Variants in AK7 observed in about 807,000 individuals in gnomAD.
The protein encoded by AK7 is ATP-AMP transphosphorylase 7.
In AK7, 78 loss-of-function variants were observed where a neutral mutation model predicts 96.6. The ratio of observed to expected loss-of-function variants is 0.81; its 90% CI spans 0.67 to 0.97. The LOEUF is 0.97. Ranked by LOEUF, AK7 falls within the 50% of genes least tolerant of loss-of-function variation. The pLI, the probability that AK7 is intolerant of heterozygous loss-of-function variation, is 0.00. For missense variants in AK7, 855 were observed against 887.9 expected (o/e 0.96, Z 0.47); for synonymous variants, 302 against 317.2 (o/e 0.95, Z 0.51).
At chr14:96,422,451 G>C (rs915128827) in intron 5 of AK7, among the ~76,000 whole-genome samples, 2 of 152,170 alleles carry the variant, frequency 1.3e-5, no homozygotes, top group African/African-American at 4.8e-5. Context: ...AGGCCTAGAA[G>C]AGCCATGGCA....
chr14:96,463,415 A>AT (rs1034510024), intron 12 of AK7, among the ~76,000 whole-genome samples: 3 of 151,794 alleles, frequency 2.0e-5, no homozygotes, highest in Admixed American at 1.3e-4. Context: ...GTGTTAAAAA[A>AT]AATAATAATA....
chr14:96,445,345 A>G (rs902120940), intron 7 of AK7, among the ~76,000 whole-genome samples: 4 of 152,212 alleles, frequency 2.6e-5, no homozygotes, highest in African/African-American at 9.6e-5. Context: ...AAAAGCAAAA[A>G]GCTGAAATGT....
intron 5 of AK7, among the ~76,000 whole-genome samples, chr14:96,422,173 G>C (rs1655663692): frequency 6.6e-6 from 1 of 152,192 alleles, no homozygotes; most frequent in Non-Finnish European, 1.5e-5. Context: ...GTCACATGGG[G>C]ATGAAGTAAT....
At chr14:96,410,559 T>G (rs1307872870) in intron 4 of AK7, among the ~76,000 whole-genome samples, 2 of 152,224 alleles carry the variant, frequency 1.3e-5, no homozygotes, top group Non-Finnish European at 2.9e-5. Context: ...GGACTGAGAA[T>G]GGAGAAGAGA....
chr14:96,486,996 T>C lies in AK7; in HGVS notation c.2073T>C (p.Thr691=). The C allele has an allele frequency of 6.2e-7, 1 of 1,614,148 alleles. No homozygotes were observed. ...RNYLMTYVMP[T]LIQGLNECCN... ...ATTTAATGACCTATGTGATGCCAACTCTTATTCAGGGCCTGAATGAATGTT... is the reference window on the plus strand; with the variant it reads ...ATTTAATGACCTATGTGATGCCAACCCTTATTCAGGGCCTGAATGAATGTT... The change falls in exon 17 of 18, where the codon ACT becomes ACC. Residue 691 remains threonine (T), a synonymous_variant. Transcript: ENST00000267584.
intron 5 of AK7, among the ~76,000 whole-genome samples, chr14:96,427,016 C>A (rs576654359): frequency 6.6e-6 from 1 of 152,244 alleles, no homozygotes; most frequent in African/African-American, 2.4e-5. Context: ...GAGGTGGAGG[C>A]GGGCAGATCA....
chr14:96,459,366 T>TGTTC (rs1314615360), intron 12 of AK7, among the ~76,000 whole-genome samples: 2 of 151,612 alleles, frequency 1.3e-5, no homozygotes, highest in South Asian at 2.1e-4. Context: ...ATCACACATA[T>TGTTC]GTTCATAAAT....
At chr14:96,440,232 C>T (rs1288872863) in intron 6 of AK7, among the ~76,000 whole-genome samples, 1 of 152,210 alleles carries the variant, frequency 6.6e-6, no homozygotes, top group Admixed American at 6.5e-5. Context: ...CCTCAGCCTC[C>T]AAAGTGCTGG....
chr14:96,414,904 C>T (rs544425984), intron 4 of AK7, among the ~76,000 whole-genome samples: 42 of 151,872 alleles, frequency 2.8e-4, no homozygotes, highest in African/African-American at 2.9e-4. Flanking sequence ...AGGCACCTGC[C>T]GCCATGCCCA....
In AK7 at chr14:96,483,112, C is replaced by T. The variant is rs140857857; in HGVS notation, c.1867C>T (p.Arg623Trp). 6.0e-5 allele frequency: 97 copies of T among 1,613,994 alleles called. No individual in the cohort carries two copies. Among genetic ancestry groups the T allele is most frequent in the African/African-American group, 3.6e-4 (27 of 74,922 alleles). The change falls in exon 16 of 18, where the codon CGG becomes TGG. Residue 623 changes from arginine (R) to tryptophan (W), a missense_variant. Transcript: ENST00000267584. Reference protein sequence around the residue: ...LTDEEKAEEERKAAEERLARE... With the variant: ...LTDEEKAEEEWKAAEERLARE... ...AGACGAAGAAAAGGCAGAAGAGGAG[C>T]GGAAGGCTGCGGAGGAGCGGCTGGC...
chr14:96,457,891 T>C (rs978290201), intron 11 of AK7, among the ~76,000 whole-genome samples, 192 bp from the exon 12 acceptor site: 2 of 152,220 alleles, frequency 1.3e-5, no homozygotes, highest in Admixed American at 6.5e-5. Flanking sequence ...TTAAATATGC[T>C]GTAAGAAAAA....
chr14:96,427,714 A>G (rs1377627334), intron 5 of AK7, among the ~76,000 whole-genome samples: 1 of 152,122 alleles, frequency 6.6e-6, no homozygotes, highest in South Asian at 2.1e-4. Context: ...GTCTACACCT[A>G]TCTCTTACTC....
chr14:96,443,851 G>A (rs1241161906), intron 7 of AK7, among the ~76,000 whole-genome samples: 4 of 148,692 alleles, frequency 2.7e-5, no homozygotes, highest in African/African-American at 1.0e-4. Context: ...TCGGTTCACC[G>A]CAAGCTCTAC....
rs1890305765 is a variant in AK7, at chr14:96,399,889, C to A, written c.294+1626C>A. Among the ~76,000 whole-genome samples the A allele has an allele frequency of 6.6e-6, 1 of 152,082 alleles. No individual in the cohort carries two copies. Among genetic ancestry groups the A allele is most frequent in the Non-Finnish European group, 1.5e-5 (1 of 68,030 alleles). Reference sequence around the variant, plus strand: ...CTTATCCAACCCTATAGCTTCAGCTCCCCATATAGCCAGTGCTTTTTTTGC... The same window carrying A: ...CTTATCCAACCCTATAGCTTCAGCTACCCATATAGCCAGTGCTTTTTTTGC... On this transcript the variant is annotated intron_variant, in intron 2 of 17. Coordinates refer to ENST00000267584, the MANE Select transcript of AK7 (RefSeq NM_152327.5). The surrounding 1 kb of genome is among the most constrained non-coding windows in gnomAD (Gnocchi z 4.1).
At chr14:96,485,962 A>AT (rs1895748722) in intron 16 of AK7, among the ~76,000 whole-genome samples, 1 of 151,802 alleles carries the variant, frequency 6.6e-6, no homozygotes, top group Non-Finnish European at 1.5e-5. Flanking sequence ...CGCCCGGTTA[A>AT]TTTTTTTGTA....
chr14:96,424,548 A>G (rs1019172034), intron 5 of AK7, among the ~76,000 whole-genome samples: 6 of 152,198 alleles, frequency 3.9e-5, no homozygotes, highest in African/African-American at 7.2e-5. Flanking sequence ...TTAGTGGAAG[A>G]CCAGCGCTAA....
At chr14:96,402,412 C>T (rs1451401711) in intron 2 of AK7, among the ~76,000 whole-genome samples, 9 of 152,198 alleles carry the variant, frequency 5.9e-5, no homozygotes, top group South Asian at 2.1e-4. Flanking sequence ...TAATTTGACA[C>T]GTGTGCGTGT....
intron 5 of AK7, among the ~76,000 whole-genome samples, chr14:96,428,421 C>T (rs1199774849): frequency 1.3e-5 from 2 of 152,170 alleles, no homozygotes; most frequent in African/African-American, 4.8e-5. Flanking sequence ...CCGCAGTAAA[C>T]ATATGTGTGC....
In AK7 at chr14:96,463,826, T is replaced by C. The variant is rs370202174; in HGVS notation, c.1357+5614T>C. On this transcript the variant is annotated intron_variant, in intron 12 of 17. Coordinates refer to ENST00000267584, the MANE Select transcript of AK7 (RefSeq NM_152327.5). Reference sequence around the variant, plus strand: ...TAACACAATGATAACCAAGAGAACATGAATGCAATTGCACTGTGAACTCTA... The same window carrying C: ...TAACACAATGATAACCAAGAGAACACGAATGCAATTGCACTGTGAACTCTA... Among the ~76,000 whole-genome samples, 23 of 150,632 alleles carry C rather than the reference T, an allele frequency of 1.5e-4. No homozygotes were observed. In the East Asian group the frequency reaches 2.9e-3, roughly 19 times the overall value.
Sources: allele counts gnomAD v4.1 joint callset (sites outside exome capture counted in the v4.1 genomes callset), GRCh38; gene constraint gnomAD v4.1.1; non-coding constraint Gnocchi (gnomAD v3.1); transcripts MANE v1.5; gene names NCBI Gene and HGNC (gene_info 2026-07-23, HGNC 2026-07-21).